The following DTNA variants were observed in gnomAD, a reference collection of about 807,000 sequenced individuals.
DTNA encodes the protein dystrophin-related protein 3.
In DTNA, 43 loss-of-function variants were observed where a neutral mutation model predicts 100.7. The observed-to-expected ratio is 0.43, with a 90% confidence interval of 0.33 to 0.55. The LOEUF (loss-of-function observed/expected upper bound fraction) is 0.55, where lower values mean the gene tolerates loss of function less well. Among genes scored for constraint, DTNA ranks in the 20% least tolerant of loss-of-function variants. The probability of loss-of-function intolerance (pLI) is 0.04; values close to 1 mark genes in which losing one functional copy is unlikely to be tolerated. For synonymous variants in DTNA, 349 were observed against 347.9 expected (o/e 1.00, Z -0.04); for missense variants, 798 against 953.9 (o/e 0.84, Z 2.15).
In DTNA at chr18:34,726,187, G is replaced by T. The variant is rs533143283; in HGVS notation, c.-2+15742G>T. ...GGTGCAGCAAACCCACATGGCACATGTATACCTATGTAACAAACCTGCACA... is the reference window on the plus strand; with the variant it reads ...GGTGCAGCAAACCCACATGGCACATTTATACCTATGTAACAAACCTGCACA... On this transcript the variant is annotated intron_variant, in intron 1 of 22. Coordinates refer to ENST00000444659, the MANE Select transcript of DTNA (RefSeq NM_001386795.1). Among the ~76,000 whole-genome samples, 345 of 152,148 alleles carry T rather than the reference G, an allele frequency of 2.3e-3. 3 individuals carry two copies. Among genetic ancestry groups the T allele is most frequent in the Non-Finnish European group, 4.2e-3 (284 of 68,006 alleles).
intron 2 of DTNA, among the ~76,000 whole-genome samples, chr18:34,757,677 C>T (rs975458216): frequency 1.7e-4 from 26 of 152,044 alleles, no homozygotes; most frequent in Non-Finnish European, 7.4e-5. Flanking sequence ...AAAGAAAGCT[C>T]GATATGATTT....
At chr18:34,520,762 C>G (rs1369497070) in intron 1 of DTNA, among the ~76,000 whole-genome samples, 2 of 152,166 alleles carry the variant, frequency 1.3e-5, no homozygotes, top group African/African-American at 4.8e-5. Flanking sequence ...GTTTTCATTG[C>G]TGTTCTCCTG....
upstream of DTNA, among the ~76,000 whole-genome samples, chr18:34,706,275 A>C (rs1304680401): frequency 6.6e-6 from 1 of 152,236 alleles, no homozygotes; most frequent in Non-Finnish European, 1.5e-5. Context: ...GAAGAAATAC[A>C]TCAAAATGTT....
chr18:34,737,238 G>A lies in DTNA; in HGVS notation c.-1-18738G>A, dbSNP rs575856486. Among the ~76,000 whole-genome samples, 426 of 152,256 alleles carry A rather than the reference G, an allele frequency of 2.8e-3. 4 individuals carry two copies. Among genetic ancestry groups the A allele is most frequent in the South Asian group, 2.7e-3 (13 of 4,824 alleles). On this transcript the variant is annotated intron_variant, in intron 1 of 22. Coordinates refer to ENST00000444659, the MANE Select transcript of DTNA (RefSeq NM_001386795.1). ...TGTATTAAGGAAATTGAGGCAAGCTGTACCTATGAAGGCTGTTATCTAAGT... is the reference window on the plus strand; with the variant it reads ...TGTATTAAGGAAATTGAGGCAAGCTATACCTATGAAGGCTGTTATCTAAGT...
rs761043139 is a variant in DTNA at position 34,816,026 on chromosome 18, C to G, written c.709+12C>G. The G allele has an allele frequency of 6.2e-7, 1 of 1,609,296 alleles. No homozygotes were observed. The highest frequency in any genetic ancestry group is 8.5e-7 in the Non-Finnish European group (1 of 1,175,730). ...AAATGTGGAAAATGGTGAGTAGTTA[C>G]TAAGGAGCAAAGGTGATTTTTTAAA... On this transcript the variant is annotated intron_variant, in intron 7 of 22. Transcript: ENST00000444659.
intron 1 of DTNA, among the ~76,000 whole-genome samples, chr18:34,695,612 A>AT (rs1284538523): frequency 2.0e-5 from 3 of 152,166 alleles, no homozygotes; most frequent in African/African-American, 7.2e-5. Context: ...CATCCCAGAC[A>AT]TTTCTAATGG....
intron 1 of DTNA, among the ~76,000 whole-genome samples, chr18:34,699,877 T>C (rs915371351): frequency 1.3e-5 from 2 of 152,170 alleles, no homozygotes; most frequent in African/African-American, 4.8e-5. Context: ...AAAAAAAACT[T>C]GGCTAGCTTA....
At chr18:34,650,559 A>G (rs2060328334) in intron 1 of DTNA, among the ~76,000 whole-genome samples, 1 of 152,128 alleles carries the variant, frequency 6.6e-6, no homozygotes, top group Admixed American at 6.6e-5. Flanking sequence ...CAGTATCTCT[A>G]CCTCAAAATA....
chr18:34,684,776 C>T (rs565821228), intron 1 of DTNA, among the ~76,000 whole-genome samples: 2 of 152,232 alleles, frequency 1.3e-5, no homozygotes, highest in African/African-American at 4.8e-5. Context: ...AGTGTAAAAG[C>T]ATTCCTATTT....
intron 1 of DTNA, among the ~76,000 whole-genome samples, chr18:34,704,527 G>A (rs568343746): frequency 8.4e-4 from 128 of 152,258 alleles, no homozygotes; most frequent in African/African-American, 3.0e-3. Flanking sequence ...TGCCTAAACT[G>A]ACCTAATTAA....
At position 34,783,705 on chromosome 18, in the gene DTNA, G is replaced by A. The variant is rs569947947; in HGVS notation, c.149-10332G>A. Among the ~76,000 whole-genome samples, 6 of 152,248 alleles carry A rather than the reference G, an allele frequency of 3.9e-5. No homozygotes were observed. The East Asian group carries it at 1.2e-3, about 29-fold the overall frequency. ...CATTTTCTTTCTGATTTCAATGTTT[G>A]GTTAATGTGGGTGATGGCGGATAGC... On this transcript the variant is annotated intron_variant, in intron 3 of 22. Coordinates refer to ENST00000444659, the MANE Select transcript of DTNA (RefSeq NM_001386795.1).
intron 8 of DTNA, among the ~76,000 whole-genome samples, chr18:34,820,220 T>G (rs1352011115): frequency 6.6e-6 from 1 of 152,058 alleles, no homozygotes; most frequent in African/African-American, 2.4e-5. Flanking sequence ...GAAACATCTT[T>G]CTTGCACCTG....
At chr18:34,674,272 C>T (rs2077131459) in intron 1 of DTNA, among the ~76,000 whole-genome samples, 1 of 152,212 alleles carries the variant, frequency 6.6e-6, no homozygotes, top group African/African-American at 2.4e-5. Context: ...ACTAAACTGT[C>T]ACAGCCACAG....
chr18:34,786,829 A>G (rs1204463403), intron 3 of DTNA, among the ~76,000 whole-genome samples: 1 of 152,228 alleles, frequency 6.6e-6, no homozygotes, highest in African/African-American at 2.4e-5. Context: ...ATATCCTTAT[A>G]CAAATCACTG....
intron 12 of DTNA, 122 bp from the exon 13 acceptor site, chr18:34,838,623 C>A: frequency 1.3e-6 from 1 of 792,382 alleles, no homozygotes. Flanking sequence ...CACTTACTAC[C>A]CTTCCTTTAC....
intron 21 of DTNA, among the ~76,000 whole-genome samples, chr18:34,882,606 G>A (rs757232265): frequency 6.6e-6 from 1 of 151,956 alleles, no homozygotes; most frequent in Admixed American, 6.6e-5. Flanking sequence ...CTGACCTCGC[G>A]ATCCACCCAC....
At chr18:34,733,503 T>C (rs760468466) in intron 1 of DTNA, among the ~76,000 whole-genome samples, 4 of 152,210 alleles carry the variant, frequency 2.6e-5, no homozygotes, top group African/African-American at 7.2e-5. Flanking sequence ...GTGCCTTTGA[T>C]GGTTGAGTGC....
chr18:34,860,220 G>GTTTT lies in DTNA; in HGVS notation c.1646+1848_1646+1851dup, dbSNP rs55673388. The stretch of plus-strand genomic sequence containing the variant: ...TGCCACCACGCCCGGCTAATTTTTT[G>GTTTT]TTTTTTTTTTTTTTTTTTTTTTTTT... On this transcript the variant is annotated intron_variant, in intron 16 of 22. Transcript: ENST00000444659. 1.5e-3 allele frequency among the ~76,000 whole-genome samples: 119 copies of GTTTT among 80,282 alleles called. 2 individuals are homozygous for GTTTT. Among genetic ancestry groups the GTTTT allele is most frequent in the East Asian group, 3.2e-3 (7 of 2,212 alleles). The allele number at this position is 80,282 out of a possible 152,430, so 52.7% of individuals were successfully genotyped here.
At chr18:34,814,234 T>C (rs2095547919) in intron 6 of DTNA, among the ~76,000 whole-genome samples, 1 of 152,214 alleles carries the variant, frequency 6.6e-6, no homozygotes, top group Admixed American at 6.5e-5. Context: ...GTTGTATTAC[T>C]TCACCCAGTC....
Sources: gnomAD v4.1 joint callset for allele counts (sites outside exome capture counted in the v4.1 genomes callset) on GRCh38, gnomAD v4.1.1 for gene constraint, MANE v1.5 for transcripts, NCBI Gene and HGNC (gene_info 2026-07-23, HGNC 2026-07-21) for gene names.